Variants in INSC observed in about 807,000 individuals in gnomAD.
INSC encodes the protein protein inscuteable homolog.
Under a neutral mutation model 58.6 loss-of-function variants are expected in INSC, and 67 were observed. That is an observed-to-expected ratio of 1.14 (90% CI 0.94 to 1.40). The LOEUF (loss-of-function observed/expected upper bound fraction) is 1.40. Ranked by LOEUF, INSC falls within the 40% of genes most tolerant of loss-of-function variation. The pLI, the probability that INSC is intolerant of heterozygous loss-of-function variation, is 0.00. For missense variants in INSC, 714 were observed against 692.0 expected, an observed-to-expected ratio of 1.03 and a Z score of -0.36; for synonymous variants, 262 against 276.1, an observed-to-expected ratio of 0.95 and a Z score of 0.51.
intron 1 of INSC, among the ~76,000 whole-genome samples, chr11:15,129,673 C>T (rs1848080400): frequency 6.6e-6 from 1 of 152,182 alleles, no homozygotes; most frequent in African/African-American, 2.4e-5. Context: ...AAATTTTACT[C>T]TGTTTATGCT....
At chr11:15,230,832 CA>C (rs1851899002) in intron 9 of INSC, among the ~76,000 whole-genome samples, 2 of 152,212 alleles carry the variant, frequency 1.3e-5, no homozygotes. Flanking sequence ...GACCTACATC[CA>C]AAACAGTTCT....
upstream of INSC, among the ~76,000 whole-genome samples, chr11:15,112,878 T>C (rs1847601314): frequency 6.6e-6 from 1 of 152,116 alleles, no homozygotes; most frequent in Admixed American, 6.5e-5. Context: ...CTTCATACTT[T>C]CAACAACCTC....
chr11:15,133,218 C>A lies in INSC; in HGVS notation c.-45-15912C>A, dbSNP rs907647162. Among the ~76,000 whole-genome samples, 5 of 152,250 alleles carry A rather than the reference C, an allele frequency of 3.3e-5. No individual in the cohort carries two copies. The East Asian group carries it at 7.7e-4, about 23-fold the overall frequency. On this transcript the variant is annotated intron_variant, in intron 1 of 12. Transcript: ENST00000379556. ...TTTCTCTCTTTGTCTCTCTGGACTG[C>A]GTCTTGGTTAAGTTCTTTTGTTCTG...
intron 5 of INSC, among the ~76,000 whole-genome samples, chr11:15,188,691 G>A (rs567606155): frequency 5.9e-5 from 9 of 152,324 alleles, no homozygotes; most frequent in Non-Finnish European, 1.2e-4. Context: ...ACATTAACAT[G>A]AAATTATTCT....
chr11:15,173,971 C>T (rs1849489357), intron 2 of INSC, among the ~76,000 whole-genome samples: 1 of 152,224 alleles, frequency 6.6e-6, no homozygotes, highest in South Asian at 2.1e-4. Context: ...CTTCACCAGG[C>T]TGGCCTCATT....
chr11:15,221,483 G>A lies in INSC; in HGVS notation c.826G>A (p.Gly276Ser). Residue 276 changes from glycine to serine, a missense_variant, in exon 8 of 13, where the codon GGC becomes AGC. Physicochemically the swap from Gly to Ser is moderately conservative, Grantham distance 56. Transcript: ENST00000379556. The stretch of plus-strand genomic sequence containing the variant: ...TCCCTCTCTCCATCTGCAGGTGGAT[G>A]GCGTTCTGTGCTTGGCCGACATCCT... Reference protein sequence around the residue: ...EGVHQLEKVDGVLCLADILTD... With the variant: ...EGVHQLEKVDSVLCLADILTD... 1.2e-6 allele frequency: 2 copies of A among 1,608,544 alleles called. No individual in the cohort carries two copies. Among genetic ancestry groups the A allele is most frequent in the Non-Finnish European group, 1.7e-6 (2 of 1,176,770 alleles).
At chr11:15,267,606 T>C in the INSC span, among the ~76,000 whole-genome samples, 1 of 152,028 alleles carries the variant, frequency 6.6e-6, no homozygotes, top group Non-Finnish European at 1.5e-5. Context: ...AAAATATACC[T>C]ATCATGTCTT....
chr11:15,232,675 A>AG (rs1851969973), intron 9 of INSC, among the ~76,000 whole-genome samples: 1 of 152,212 alleles, frequency 6.6e-6, no homozygotes, highest in Non-Finnish European at 1.5e-5. Flanking sequence ...GATTGAGTTA[A>AG]GATCTTGACA....
intron 1 of INSC, among the ~76,000 whole-genome samples, chr11:15,117,698 T>C (rs1450499019): frequency 6.6e-6 from 1 of 152,240 alleles, no homozygotes; most frequent in Admixed American, 6.5e-5. Context: ...TATTGGTCTC[T>C]GGGGATGGGA....
At chr11:15,229,997 A>ATTT (rs1564917560) in intron 9 of INSC, among the ~76,000 whole-genome samples, 5 of 27,484 alleles carry the variant, frequency 1.8e-4, no homozygotes, top group African/African-American at 6.5e-4. Context: ...ATATATATAT[A>ATTT]TATATATATA....
intron 7 of INSC, among the ~76,000 whole-genome samples, chr11:15,210,808 G>C (rs754640594): frequency 2.0e-5 from 3 of 152,048 alleles, no homozygotes; most frequent in Non-Finnish European, 4.4e-5. Context: ...CAGGGTAAAG[G>C]AGGTTGCTTG....
chr11:15,252,643 C>T, the INSC span, among the ~76,000 whole-genome samples: 1 of 152,262 alleles, frequency 6.6e-6, no homozygotes, highest in African/African-American at 2.4e-5. Flanking sequence ...TTTTTATGCG[C>T]TAGTCTTAGA....
chr11:15,264,189 G>A, the INSC span, among the ~76,000 whole-genome samples: 2 of 116,458 alleles, frequency 1.7e-5, no homozygotes, highest in Non-Finnish European at 1.8e-5. Context: ...GGCTGTCAGC[G>A]GGGGATAGCC....
the INSC span, among the ~76,000 whole-genome samples, chr11:15,253,568 G>A: frequency 6.7e-6 from 1 of 150,312 alleles, no homozygotes; most frequent in African/African-American, 2.4e-5. Context: ...ACAAGCAAAA[G>A]AAAAGGAGGA....
intron 8 of INSC, 54 bp from the exon 9 acceptor site, chr11:15,225,596 A>C: frequency 6.5e-7 from 1 of 1,543,192 alleles, no homozygotes; most frequent in Non-Finnish European, 8.8e-7. Flanking sequence ...AAATGAGACA[A>C]GTGATATGAA....
chr11:15,138,451 T>C (rs1848296898), intron 1 of INSC, among the ~76,000 whole-genome samples: 1 of 152,316 alleles, frequency 6.6e-6, no homozygotes, highest in Non-Finnish European at 1.5e-5. Context: ...ACTGCCCCAC[T>C]GGGGATTAGG....
chr11:15,175,907 C>A lies in INSC; in HGVS notation c.223C>A (p.Gln75Lys). ...AGGPGPGDPLQLLLKRGWVIS... is the reference protein window; with the variant it reads ...AGGPGPGDPLKLLLKRGWVIS... ...TGGCCCTGGCCCTGGAGACCCCCTG[C>A]AGCTGCTGCTCAAACGGGGTTGGGT... Residue 75 changes from glutamine (Q) to lysine (K), a missense_variant, in exon 3 of 13, where the codon CAG (glutamine) becomes AAG (lysine). By Grantham distance (53) the Gln-to-Lys change is moderately conservative. Coordinates refer to ENST00000379556, the MANE Select transcript of INSC (RefSeq NM_001042536.3). The A allele has an allele frequency of 1.2e-6, 2 of 1,614,214 alleles. No individual in the cohort carries two copies. Among genetic ancestry groups the A allele is most frequent in the African/African-American group, 1.3e-5 (1 of 75,072 alleles).
chr11:15,208,858 T>A (rs1470504417), intron 7 of INSC, among the ~76,000 whole-genome samples: 1 of 152,088 alleles, frequency 6.6e-6, no homozygotes, highest in Non-Finnish European at 1.5e-5. Flanking sequence ...CTGCCTGGGG[T>A]AGGCTTCTCC....
chr11:15,196,135 T>G (rs1199148948), intron 6 of INSC, among the ~76,000 whole-genome samples: 1 of 152,184 alleles, frequency 6.6e-6, no homozygotes, highest in African/African-American at 2.4e-5. Context: ...AAATAATCCT[T>G]TGATTATTTA....
Sources: allele counts gnomAD v4.1 joint callset (sites outside exome capture counted in the v4.1 genomes callset), GRCh38; gene constraint gnomAD v4.1.1; transcripts MANE v1.5; gene names NCBI Gene and HGNC (gene_info 2026-07-23, HGNC 2026-07-21).